The following EXOC6B variants were observed in gnomAD, a reference collection of about 807,000 sequenced individuals.
EXOC6B encodes exocyst complex component 6B.
A neutral mutation model predicts 113.5 loss-of-function variants in EXOC6B; 54 were observed. The observed-to-expected ratio is 0.48, with a 90% CI of 0.38 to 0.60. The LOEUF is 0.60. EXOC6B is among the 20% of genes least tolerant of loss of function. EXOC6B has a pLI of 0.00. For synonymous variants in EXOC6B, 357 were observed against 339.0 expected (o/e 1.05, Z -0.58); for missense variants, 797 against 977.5 (o/e 0.82, Z 2.46).
Position 72,826,013 on chromosome 2 carries a change from T to G in EXOC6B, c.-103A>C, listed in dbSNP as rs1329023695. 1.0e-5 allele frequency: 15 copies of G among 1,497,564 alleles called. No homozygotes were observed. Among genetic ancestry groups the G allele is most frequent in the Admixed American group, 2.0e-5 (1 of 50,594 alleles). The allele number at this position is 1,497,564 out of a possible 1,614,324, so 92.8% of individuals were successfully genotyped here. On this transcript the variant is annotated 5_prime_UTR_variant, in exon 1 of 22. Transcript: ENST00000272427. ...CACAGGCTCCACAGCCGCCCCAGCC[T>G]CTGGCTACCCGCAGGCCGACCCCTC...
chr2:72,194,830 T>C (rs1365719525), intron 20 of EXOC6B, among the ~76,000 whole-genome samples: 1 of 152,098 alleles, frequency 6.6e-6, no homozygotes, highest in Non-Finnish European at 1.5e-5. Flanking sequence ...GGGGTCAAGC[T>C]TATACCTGAG....
At chr2:72,465,033 T>A in intron 18 of EXOC6B, 127 bp downstream of exon 18, 3 of 719,538 alleles carry the variant, frequency 4.2e-6, no homozygotes, top group Non-Finnish European at 7.1e-6. Flanking sequence ...TTAATAAATA[T>A]AGCATGCGCC....
At position 72,281,372 on chromosome 2, in the gene EXOC6B, A is replaced by T. The variant is rs144243364; in HGVS notation, c.2196+53575T>A. On this transcript the variant is annotated intron_variant, in intron 20 of 21. Transcript: ENST00000272427. ...AAGAACAGAGATATGAGAAAAGCAG[A>T]CAATAGAAACAGTACTACAGGTGAG... is the stretch of plus-strand genomic sequence containing the variant. Among the ~76,000 whole-genome samples the T allele has an allele frequency of 4.2e-3, 640 of 152,338 alleles. 7 individuals carry two copies. Among genetic ancestry groups the T allele is most frequent in the African/African-American group, 0.015 (618 of 41,574 alleles).
At chr2:72,228,896 T>A (rs937194782) in intron 20 of EXOC6B, among the ~76,000 whole-genome samples, 3 of 152,184 alleles carry the variant, frequency 2.0e-5, no homozygotes, top group African/African-American at 7.2e-5. Context: ...TGTAAAAGTG[T>A]TCCTATTTCT....
chr2:72,502,623 A>ATT, intron 11 of EXOC6B, among the ~76,000 whole-genome samples: 1 of 152,264 alleles, frequency 6.6e-6, no homozygotes, highest in East Asian at 1.9e-4. Flanking sequence ...AAATGCCTTT[A>ATT]TTTTGCCCTC....
rs536588323 is a variant in EXOC6B at position 72,590,630 on chromosome 2, A to G, written c.670-14962T>C. Among the ~76,000 whole-genome samples, 59 of 152,120 alleles carry G rather than the reference A, an allele frequency of 3.9e-4. 1 individual carries two copies. In the South Asian group the frequency reaches 4.1e-3, roughly 11 times the overall value. Reference sequence around the variant, plus strand: ...CCTAGCACTGTAACTAGCACAGAACAGATAGTTTTTAAATGAGTTTCTTTC... The same window carrying G: ...CCTAGCACTGTAACTAGCACAGAACGGATAGTTTTTAAATGAGTTTCTTTC... On this transcript the variant is annotated intron_variant, in intron 6 of 21. Transcript: ENST00000272427.
chr2:72,299,057 T>A (rs981773525), intron 20 of EXOC6B, among the ~76,000 whole-genome samples: 16 of 152,130 alleles, frequency 1.1e-4, no homozygotes, highest in African/African-American at 3.9e-4. Flanking sequence ...GAAGTCCTCC[T>A]GGATAATATC....
chr2:72,636,414 G>A (rs990018769), intron 6 of EXOC6B, among the ~76,000 whole-genome samples: 1 of 148,708 alleles, frequency 6.7e-6, no homozygotes, highest in Non-Finnish European at 1.5e-5. Context: ...AAGAAGGAGA[G>A]GGAGGACGAG....
intron 20 of EXOC6B, among the ~76,000 whole-genome samples, chr2:72,318,095 G>A (rs533491297): frequency 4.6e-5 from 7 of 152,128 alleles, no homozygotes; most frequent in Non-Finnish European, 8.8e-5. Context: ...ACAAGCAAAG[G>A]TTTGAACACT....
At position 72,399,017 on chromosome 2, in the gene EXOC6B, A is replaced by G. The variant is rs544928388; in HGVS notation, c.1981-19147T>C. On this transcript the variant is annotated intron_variant, in intron 18 of 21. Transcript: ENST00000272427. ...AGCCAGGCAGTGAAAAAGAAAAAAA[A>G]AAAAAGAAAAAAATTATAAGCCAAT... 2.6e-4 allele frequency among the ~76,000 whole-genome samples: 40 copies of G among 151,792 alleles called. 1 individual carries two copies. The highest frequency in any genetic ancestry group is 4.6e-4 in the African/African-American group (19 of 41,414).
chr2:72,812,694 A>AT (rs1685988311), intron 1 of EXOC6B, among the ~76,000 whole-genome samples: 1 of 151,824 alleles, frequency 6.6e-6, no homozygotes, highest in Non-Finnish European at 1.5e-5. Context: ...CCATCTCTAA[A>AT]AAATAAATAA....
intron 19 of EXOC6B, among the ~76,000 whole-genome samples, chr2:72,345,695 G>A (rs559177845): frequency 6.6e-6 from 1 of 152,180 alleles, no homozygotes; most frequent in South Asian, 2.1e-4. Flanking sequence ...ATGAATAGGT[G>A]CAAAACAGAT....
intron 20 of EXOC6B, among the ~76,000 whole-genome samples, chr2:72,213,134 G>C (rs1310571738): frequency 1.3e-5 from 2 of 152,216 alleles, no homozygotes; most frequent in Non-Finnish European, 2.9e-5. Flanking sequence ...GGTTAAGCTA[G>C]CCATCTGGAG....
intron 8 of EXOC6B, among the ~76,000 whole-genome samples, chr2:72,558,209 G>C (rs1272558683): frequency 6.6e-6 from 1 of 151,858 alleles, no homozygotes; most frequent in Non-Finnish European, 1.5e-5. Flanking sequence ...ATTATTTTTA[G>C]TATTCACTAT....
chr2:72,659,680 T>G (rs1674863219), intron 6 of EXOC6B, among the ~76,000 whole-genome samples: 1 of 152,068 alleles, frequency 6.6e-6, no homozygotes, highest in African/African-American at 2.4e-5. Context: ...TTCAAAAAAT[T>G]TATAAATAAT....
intron 11 of EXOC6B, among the ~76,000 whole-genome samples, chr2:72,503,545 T>C (rs1403654072): frequency 6.6e-6 from 1 of 152,198 alleles, no homozygotes; most frequent in East Asian, 1.9e-4. Flanking sequence ...TTTATATCAC[T>C]GAATAATATT....
intron 20 of EXOC6B, among the ~76,000 whole-genome samples, chr2:72,224,819 T>TGC (rs374010260): frequency 0.027 from 4,120 of 150,250 alleles, 89 homozygotes; most frequent in Non-Finnish European, 0.042. Context: ...TGTGTGTGTG[T>TGC]GCGTGTGTGT....
chr2:72,203,634 T>C (rs1260255820), intron 20 of EXOC6B, among the ~76,000 whole-genome samples: 1 of 152,182 alleles, frequency 6.6e-6, no homozygotes, highest in Non-Finnish European at 1.5e-5. Context: ...AGTAAGAGAT[T>C]ATAGAAGCTA....
chr2:72,401,566 C>CATAT (rs1383620831), intron 18 of EXOC6B, among the ~76,000 whole-genome samples: 18 of 14,878 alleles, frequency 1.2e-3, no homozygotes, highest in South Asian at 9.2e-3. Context: ...TATATATATA[C>CATAT]ATATATATAT....
Sources: gnomAD v4.1 joint callset for allele counts (sites outside exome capture counted in the v4.1 genomes callset) on GRCh38, gnomAD v4.1.1 for gene constraint, MANE v1.5 for transcripts, NCBI Gene and HGNC (gene_info 2026-07-23, HGNC 2026-07-21) for gene names.